Variants in TBC1D22B observed in about 807,000 individuals in gnomAD.
TBC1D22B encodes TBC1 domain family member 22B.
Under a neutral mutation model 69.1 loss-of-function variants are expected in TBC1D22B, and 32 were observed. That is an observed-to-expected ratio of 0.46 (90% CI 0.35 to 0.62). The LOEUF is 0.62. TBC1D22B is among the 20% of genes least tolerant of loss of function. The pLI is 0.00. For missense variants in TBC1D22B, 462 were observed against 630.9 expected (o/e 0.73, Z 2.87); for synonymous variants, 206 against 229.8 (o/e 0.90, Z 0.94).
chr6:37,310,249 C>G (rs1210341807), intron 8 of TBC1D22B, among the ~76,000 whole-genome samples: 3 of 145,588 alleles, frequency 2.1e-5, no homozygotes, highest in Non-Finnish European at 4.5e-5. Context: ...AACAAAAAAA[C>G]CTACATAGTA....
chr6:37,326,823 G>A (rs569570815), intron 12 of TBC1D22B, among the ~76,000 whole-genome samples: 2 of 152,120 alleles, frequency 1.3e-5, no homozygotes, highest in South Asian at 4.2e-4. Flanking sequence ...ACCACACAGA[G>A]GTGAATATCA....
Position 37,331,114 on chromosome 6 carries a change from C to T in TBC1D22B, c.1460C>T (p.Ala487Val). 6.2e-7 allele frequency: 1 copy of T among 1,614,186 alleles called. No homozygotes were observed. Among genetic ancestry groups the T allele is most frequent in the Non-Finnish European group, 8.5e-7 (1 of 1,180,028 alleles). Reference sequence around the variant, plus strand: ...AACGAAGAAATTGGGCTGCTTCTCGCCGAGGCATACAGACTCAAGTACATG... The same window carrying T: ...AACGAAGAAATTGGGCTGCTTCTCGTCGAGGCATACAGACTCAAGTACATG... ...WGNEEIGLLL[A>V]EAYRLKYMFA... The change falls in exon 13 of 13, where the codon GCC (alanine) becomes GTC (valine). Residue 487 changes from alanine to valine, a missense_variant. Physicochemically the swap from Ala to Val is moderately conservative, Grantham distance 64. Transcript: ENST00000373491.
At chr6:37,284,592 A>G (rs1766947048) in intron 6 of TBC1D22B, 128 bp downstream of exon 6, 2 of 1,068,594 alleles carry the variant, frequency 1.9e-6, no homozygotes, top group Non-Finnish European at 2.5e-6. Flanking sequence ...AGTTAAATTT[A>G]TCCTCAAAAC....
At chr6:37,297,785 G>T (rs934598155) in intron 8 of TBC1D22B, among the ~76,000 whole-genome samples, 1 of 152,118 alleles carries the variant, frequency 6.6e-6, no homozygotes, top group Admixed American at 6.5e-5. Flanking sequence ...GTAAAGACTT[G>T]GAACCAACCC....
intron 2 of TBC1D22B, among the ~76,000 whole-genome samples, chr6:37,270,387 G>T (rs939942236): frequency 1.3e-5 from 2 of 152,076 alleles, no homozygotes; most frequent in East Asian, 1.9e-4. Flanking sequence ...GGAGGCAGAG[G>T]TTGCAGTGAG....
At chr6:37,271,849 C>CTTT (rs35838317) in intron 2 of TBC1D22B, among the ~76,000 whole-genome samples, 1 of 120,918 alleles carries the variant, frequency 8.3e-6, no homozygotes, top group Non-Finnish European at 1.7e-5. Flanking sequence ...AAGGTGCATG[C>CTTT]TTTTTTTTTT....
At chr6:37,266,487 A>G (rs1221175674) in intron 1 of TBC1D22B, among the ~76,000 whole-genome samples, 2 of 141,280 alleles carry the variant, frequency 1.4e-5, no homozygotes, top group Non-Finnish European at 1.5e-5. Context: ...TTTGAGACGG[A>G]GTCTTGCTCT....
chr6:37,314,632 G>A (rs1227143457), intron 10 of TBC1D22B, among the ~76,000 whole-genome samples: 2 of 152,068 alleles, frequency 1.3e-5, no homozygotes, highest in African/African-American at 4.8e-5. Flanking sequence ...GAAGTCGGTG[G>A]GATCTCTAAC....
At chr6:37,303,048 A>C (rs960684407) in intron 8 of TBC1D22B, among the ~76,000 whole-genome samples, 2 of 152,220 alleles carry the variant, frequency 1.3e-5, no homozygotes, top group African/African-American at 2.4e-5. Context: ...GAAGCAAGGC[A>C]TACTTCTTCT....
At chr6:37,300,624 A>G (rs945095491) in intron 8 of TBC1D22B, among the ~76,000 whole-genome samples, 20 of 152,076 alleles carry the variant, frequency 1.3e-4, no homozygotes, top group Non-Finnish European at 2.5e-4. Context: ...GGCCTCCCAA[A>G]ACACCGGGAT....
At chr6:37,292,899 A>G (rs530801129) in intron 8 of TBC1D22B, among the ~76,000 whole-genome samples, 3 of 152,242 alleles carry the variant, frequency 2.0e-5, no homozygotes, top group South Asian at 4.1e-4. Context: ...TGGTACAGGC[A>G]TATCTTGTTT....
At chr6:37,289,341 A>G (rs765944650) in intron 7 of TBC1D22B, among the ~76,000 whole-genome samples, 7 of 152,252 alleles carry the variant, frequency 4.6e-5, no homozygotes, top group Admixed American at 3.9e-4. Flanking sequence ...GAAGACCTCC[A>G]GCGGTTCTCC....
In TBC1D22B at chr6:37,257,831, T is replaced by G; in HGVS notation, c.-87T>G. ...GGTGACCGGCGGCGGGGAAGCGGCC[T>G]GGGTTGGCCCTCAGATTGCGGGGTC... On this transcript the variant is annotated 5_prime_UTR_variant, in exon 1 of 13. Coordinates refer to ENST00000373491, the MANE Select transcript of TBC1D22B (RefSeq NM_017772.4). The G allele has an allele frequency of 6.8e-7, 1 of 1,478,276 alleles. No individual in the cohort carries two copies. The highest frequency in any genetic ancestry group is 9.2e-7 in the Non-Finnish European group (1 of 1,086,894). 91.6% of individuals were successfully genotyped at this position (1,478,276 alleles called of 1,614,324 possible).
intron 12 of TBC1D22B, among the ~76,000 whole-genome samples, chr6:37,320,037 G>A (rs914667327): frequency 1.3e-5 from 2 of 152,210 alleles, no homozygotes; most frequent in East Asian, 1.9e-4. Context: ...TAAAAGCCAC[G>A]TTAAGTGACT....
At chr6:37,268,245 C>T (rs1235603812) in intron 1 of TBC1D22B, among the ~76,000 whole-genome samples, 1 of 151,910 alleles carries the variant, frequency 6.6e-6, no homozygotes, top group Non-Finnish European at 1.5e-5. Flanking sequence ...TTCTTCTCTC[C>T]CTTCTCTTTC....
At position 37,331,455 on chromosome 6, in the gene TBC1D22B, G is replaced by A; in HGVS notation, c.*283G>A. On this transcript the variant is annotated 3_prime_UTR_variant, in exon 13 of 13. Coordinates refer to ENST00000373491, the MANE Select transcript of TBC1D22B (RefSeq NM_017772.4). ...GCCCCTTTAAAAGAAACTGGACAAA[G>A]AAGGGGAAGGCTCAGGGTCTCACCT... The A allele has an allele frequency of 3.2e-6, 1 of 315,260 alleles. No individual in the cohort carries two copies. 19.5% of individuals were successfully genotyped at this position (315,260 alleles called of 1,614,324 possible). A position where few individuals can be genotyped will look rare whatever the true frequency, so the allele number is the denominator to read the frequency against.
intron 8 of TBC1D22B, among the ~76,000 whole-genome samples, chr6:37,298,467 C>G (rs1767456580): frequency 6.6e-6 from 1 of 151,676 alleles, no homozygotes. Context: ...TTCAGCAATT[C>G]CATTATTTCT....
chr6:37,300,359 TTTTATTTA>T (rs951506416), intron 8 of TBC1D22B, among the ~76,000 whole-genome samples: 2 of 151,398 alleles, frequency 1.3e-5, no homozygotes, highest in African/African-American at 4.8e-5. Flanking sequence ...TTATTATATA[TTTTATTTA>T]TTTATTTATT....
chr6:37,277,744 G>A (rs868505546), intron 2 of TBC1D22B, among the ~76,000 whole-genome samples: 21 of 151,930 alleles, frequency 1.4e-4, no homozygotes, highest in African/African-American at 4.1e-4. Flanking sequence ...CTGGGATTAC[G>A]GGCGTGAGCC....
Sources: gnomAD v4.1 joint callset for allele counts (sites outside exome capture counted in the v4.1 genomes callset) on GRCh38, gnomAD v4.1.1 for gene constraint, MANE v1.5 for transcripts, NCBI Gene and HGNC (gene_info 2026-07-23, HGNC 2026-07-21) for gene names.